Variants in COL14A1 observed in about 807,000 individuals in gnomAD.
COL14A1 encodes the protein collagen type XIV alpha 1 chain.
In COL14A1, 136 loss-of-function variants were observed where a neutral mutation model predicts 230.3. That is an observed-to-expected ratio of 0.59 (90% CI 0.51 to 0.68). The LOEUF (loss-of-function observed/expected upper bound fraction) is 0.68, where lower values mean the gene tolerates loss of function less well. Among genes scored for constraint, COL14A1 ranks in the 30% least tolerant of loss-of-function variants. The probability of loss-of-function intolerance (pLI) is 0.00; values close to 1 mark genes in which losing one functional copy is unlikely to be tolerated. For synonymous variants in COL14A1, 792 were observed against 784.1 expected, an observed-to-expected ratio of 1.01 and a Z score of -0.17; for missense variants, 1,976 against 2,215.8, an observed-to-expected ratio of 0.89 and a Z score of 2.17.
intron 46 of COL14A1, among the ~76,000 whole-genome samples, chr8:120,368,344 C>T (rs1050225599): frequency 1.3e-5 from 2 of 151,840 alleles, no homozygotes; most frequent in African/African-American, 4.8e-5. Flanking sequence ...AGAGAGGTTC[C>T]TAATGCAATT....
At position 120,281,759 on chromosome 8, in the gene COL14A1, G is replaced by A. The variant is rs1820048715; in HGVS notation, c.3824+700G>A. Reference sequence around the variant, plus strand: ...CTTGAGTGAGCTCACATAGTTAAATGGCAATGTTGGAATTTATATCCAGCT... The same window carrying A: ...CTTGAGTGAGCTCACATAGTTAAATAGCAATGTTGGAATTTATATCCAGCT... On this transcript the variant is annotated intron_variant, in intron 31 of 47. Coordinates refer to ENST00000297848, the MANE Select transcript of COL14A1 (RefSeq NM_021110.4). 3.3e-5 allele frequency among the ~76,000 whole-genome samples: 5 copies of A among 152,076 alleles called. No individual in the cohort carries two copies. In the South Asian group the frequency reaches 1.0e-3, roughly 31 times the overall value.
chr8:120,282,025 A>G (rs1820055011), intron 31 of COL14A1, among the ~76,000 whole-genome samples: 1 of 152,196 alleles, frequency 6.6e-6, no homozygotes, highest in South Asian at 2.1e-4. Context: ...TTAGTTACAT[A>G]TGTATACATG....
At chr8:120,218,575 G>T (rs1193345753) in intron 14 of COL14A1, among the ~76,000 whole-genome samples, 1 of 152,128 alleles carries the variant, frequency 6.6e-6, no homozygotes, top group African/African-American at 2.4e-5. Flanking sequence ...CTCCCAAAGT[G>T]CTGGGATTAC....
At chr8:120,151,019 A>G (rs956994999) in intron 2 of COL14A1, among the ~76,000 whole-genome samples, 10 of 152,114 alleles carry the variant, frequency 6.6e-5, no homozygotes, top group African/African-American at 2.4e-4. Flanking sequence ...AACATCAATT[A>G]TAAGGAGAGT....
At chr8:120,307,873 A>G (rs1332391202) in intron 36 of COL14A1, among the ~76,000 whole-genome samples, 1 of 152,270 alleles carries the variant, frequency 6.6e-6, no homozygotes, top group Non-Finnish European at 1.5e-5. Flanking sequence ...CTGCAAATTT[A>G]TCAACTTTCA....
intron 19 of COL14A1, among the ~76,000 whole-genome samples, chr8:120,235,517 A>G (rs561593381): frequency 1.3e-5 from 2 of 151,712 alleles, no homozygotes; most frequent in Admixed American, 6.6e-5. Flanking sequence ...TTTCTTCTTT[A>G]TTAGTCTGGC....
intron 23 of COL14A1, among the ~76,000 whole-genome samples, chr8:120,260,952 T>A (rs1016252972): frequency 3.3e-5 from 5 of 152,130 alleles, no homozygotes; most frequent in Non-Finnish European, 5.9e-5. Flanking sequence ...AGCTTTAGAG[T>A]TCTGAATGCA....
chr8:120,298,597 TTATATATATATATATATA>T lies in COL14A1; in HGVS notation c.4314+1034_4314+1051del, dbSNP rs59846403. 2.6e-3 allele frequency among the ~76,000 whole-genome samples: 153 copies of T among 57,984 alleles called. 6 individuals are homozygous for T. Among genetic ancestry groups the T allele is most frequent in the South Asian group, 7.3e-3 (9 of 1,230 alleles). 38.0% of individuals were successfully genotyped at this position (57,984 alleles called of 152,430 possible). On this transcript the variant is annotated intron_variant, in intron 35 of 47. Transcript: ENST00000297848. ...TGGGATGTGTGTATACCCATATATT[TTATATATATATATATATA>T]TATATATATATATATATATATATAC...
chr8:120,346,998 C>G (rs2130295046), intron 45 of COL14A1, among the ~76,000 whole-genome samples: 1 of 152,240 alleles, frequency 6.6e-6, no homozygotes, highest in East Asian at 1.9e-4. Flanking sequence ...CACAACACAC[C>G]AAAGATCTGG....
Position 120,278,440 on chromosome 8 carries a change from G to A in COL14A1, c.3343G>A (p.Ala1115Thr), listed in dbSNP as rs1297216148. Residue 1115 changes from alanine to threonine, a missense_variant, in exon 28 of 48, where the codon GCA becomes ACA. Ala to Thr is a moderately conservative substitution (Grantham distance 58). Coordinates refer to ENST00000297848, the MANE Select transcript of COL14A1 (RefSeq NM_021110.4). Reference sequence around the variant, plus strand: ...GTTGCCTTTCTTTGTTTCAGGAAAAGCAATTAAGTATGTTCGAGATACCTT... The same window carrying A: ...GTTGCCTTTCTTTGTTTCAGGAAAAACAATTAAGTATGTTCGAGATACCTT... ...YKGGNTKTGK[A>T]IKYVRDTLFT... The A allele has an allele frequency of 4.4e-6, 7 of 1,608,294 alleles. No individual in the cohort carries two copies. Among genetic ancestry groups the A allele is most frequent in the Non-Finnish European group, 4.2e-6 (5 of 1,177,882 alleles).
chr8:120,213,171 C>G (rs1456938960), intron 13 of COL14A1, among the ~76,000 whole-genome samples: 2 of 151,992 alleles, frequency 1.3e-5, no homozygotes, highest in Non-Finnish European at 2.9e-5. Flanking sequence ...GTTGGTAAGG[C>G]TAATTTTGGA....
At position 120,355,655 on chromosome 8, in the gene COL14A1, A is replaced by AC. The variant is rs534905290; in HGVS notation, c.5077+10099dup. On this transcript the variant is annotated intron_variant, in intron 45 of 47. Coordinates refer to ENST00000297848, the MANE Select transcript of COL14A1 (RefSeq NM_021110.4). ...CTCGAACTCCTAACCTCAACTGACAACCCCCCCACCCCGCCTCGGCCTCAC... is the reference window on the plus strand; with the variant it reads ...CTCGAACTCCTAACCTCAACTGACAACCCCCCCCACCCCGCCTCGGCCTCAC... 3.3e-4 allele frequency among the ~76,000 whole-genome samples: 49 copies of AC among 149,248 alleles called. No homozygotes were observed. The South Asian group carries it at 5.8e-3, about 18-fold the overall frequency.
At chr8:120,344,896 C>G (rs1822444630) in intron 44 of COL14A1, among the ~76,000 whole-genome samples, 1 of 151,924 alleles carries the variant, frequency 6.6e-6, no homozygotes, top group Non-Finnish European at 1.5e-5. Flanking sequence ...AGCTGAGACC[C>G]AAGTAAAGGT....
At chr8:120,143,442 C>T (rs1374200179) in intron 1 of COL14A1, among the ~76,000 whole-genome samples, 2 of 152,102 alleles carry the variant, frequency 1.3e-5, no homozygotes, top group African/African-American at 4.8e-5. Flanking sequence ...CAGGGTGAAA[C>T]CCTGTGTCTG....
intron 26 of COL14A1, among the ~76,000 whole-genome samples, chr8:120,277,023 A>G (rs1261890910): frequency 2.6e-5 from 4 of 152,074 alleles, no homozygotes; most frequent in African/African-American, 4.8e-5. Flanking sequence ...GAAAGATGCT[A>G]TCTTTACTTA....
chr8:120,238,734 G>C (rs951105639), intron 19 of COL14A1, among the ~76,000 whole-genome samples: 1 of 152,178 alleles, frequency 6.6e-6, no homozygotes, highest in African/African-American at 2.4e-5. Context: ...GGCCCTGGTG[G>C]TATAGGCACC....
chr8:120,181,717 A>G (rs1188381014), intron 5 of COL14A1, among the ~76,000 whole-genome samples: 1 of 152,196 alleles, frequency 6.6e-6, no homozygotes, highest in African/African-American at 2.4e-5. Context: ...CTGCAATTTT[A>G]GCCCCTTTCT....
chr8:120,332,877 A>G, intron 42 of COL14A1, 142 bp downstream of exon 42: 1 of 611,252 alleles, frequency 1.6e-6, no homozygotes, highest in Non-Finnish European at 2.8e-6. Context: ...AAATTGGAAA[A>G]GCTTCTAGGA....
In COL14A1 at chr8:120,220,040, A is replaced by C. The variant is rs562874603; in HGVS notation, c.1737+3550A>C. Among the ~76,000 whole-genome samples the C allele has an allele frequency of 2.0e-4, 31 of 152,124 alleles. 1 individual carries two copies. The highest frequency in any genetic ancestry group is 1.8e-3 in the Admixed American group (28 of 15,278). ...CTTAATTCATAGCCATGCTATAGAT[A>C]CTTGAGGTTGCTGGATAAGCATCTT... On this transcript the variant is annotated intron_variant, in intron 14 of 47. Coordinates refer to ENST00000297848, the MANE Select transcript of COL14A1 (RefSeq NM_021110.4).
Sources: allele counts gnomAD v4.1 joint callset (sites outside exome capture counted in the v4.1 genomes callset), GRCh38; gene constraint gnomAD v4.1.1; transcripts MANE v1.5; gene names NCBI Gene and HGNC (gene_info 2026-07-23, HGNC 2026-07-21).